Variants in KAZN observed in about 807,000 individuals in gnomAD.
The protein encoded by KAZN is kazrin, periplakin interacting protein.
A neutral mutation model predicts 87.4 loss-of-function variants in KAZN; 40 were observed. That is an observed-to-expected ratio of 0.46 (90% confidence interval 0.36 to 0.60). The LOEUF (loss-of-function observed/expected upper bound fraction) is 0.60. Ranked by LOEUF, KAZN falls within the 20% of genes least tolerant of loss-of-function variation. The probability of loss-of-function intolerance (pLI) is 0.00; values close to 1 mark genes in which losing one functional copy is unlikely to be tolerated. For missense variants in KAZN, 898 were observed against 1,073.9 expected (o/e 0.84, Z 2.29); for synonymous variants, 466 against 458.3 (o/e 1.02, Z -0.22).
chr1:14,220,415 G>T (rs1647069509), intron 2 of KAZN, among the ~76,000 whole-genome samples: 1 of 152,104 alleles, frequency 6.6e-6, no homozygotes, highest in African/African-American at 2.4e-5. Context: ...CTACCCTGTG[G>T]ATGTGTTTGT....
intron 1 of KAZN, among the ~76,000 whole-genome samples, chr1:14,763,246 C>T (rs1002869150): frequency 3.3e-5 from 5 of 152,222 alleles, no homozygotes; most frequent in Non-Finnish European, 7.3e-5. Context: ...TCGTACCATA[C>T]AGCAACTAGT....
chr1:14,902,208 C>T (rs913056404), intron 1 of KAZN, among the ~76,000 whole-genome samples: 2 of 151,580 alleles, frequency 1.3e-5, no homozygotes, highest in Non-Finnish European at 2.9e-5. Context: ...CTAGAAAATC[C>T]GAAGTTCTGA....
intron 1 of KAZN, among the ~76,000 whole-genome samples, chr1:14,052,760 A>C (rs1330577614): frequency 3.3e-5 from 5 of 152,212 alleles, no homozygotes. Flanking sequence ...TCTCTGAAGA[A>C]GTGACATTCG....
chr1:14,979,416 A>G (rs1666007690), intron 2 of KAZN, among the ~76,000 whole-genome samples: 1 of 151,952 alleles, frequency 6.6e-6, no homozygotes, highest in Admixed American at 6.6e-5. Flanking sequence ...CTCAAAAAAA[A>G]TAAATAAATA....
intron 1 of KAZN, among the ~76,000 whole-genome samples, chr1:14,915,119 G>A (rs570751670): frequency 2.0e-5 from 3 of 152,274 alleles, no homozygotes; most frequent in East Asian, 1.9e-4. Context: ...CCTGGGAGGC[G>A]GAGGTTGCGG....
At position 14,651,196 on chromosome 1, in the gene KAZN, C is replaced by G. The variant is rs72647642; in HGVS notation, c.226+51973C>G. Among the ~76,000 whole-genome samples, 1,337 of 152,298 alleles carry G rather than the reference C, an allele frequency of 8.8e-3. 12 individuals are homozygous for G. Among genetic ancestry groups the G allele is most frequent in the Non-Finnish European group, 0.015 (1,013 of 68,032 alleles). Reference sequence around the variant, plus strand: ...AACTTGCCATGCTTGGCTCTGTGAGCCTTTGAGAGAAAGAAGCCATTGTTG... The same window carrying G: ...AACTTGCCATGCTTGGCTCTGTGAGGCTTTGAGAGAAAGAAGCCATTGTTG... On this transcript the variant is annotated intron_variant, in intron 1 of 14. Transcript: ENST00000376030.
intron 1 of KAZN, among the ~76,000 whole-genome samples, chr1:14,729,608 C>A (rs756311147): frequency 2.0e-5 from 3 of 152,134 alleles, no homozygotes; most frequent in Non-Finnish European, 4.4e-5. Flanking sequence ...CTCGAGATTC[C>A]ACTGGGGAAG....
intron 2 of KAZN, among the ~76,000 whole-genome samples, chr1:14,351,666 G>C (rs1658560538): frequency 6.6e-6 from 1 of 152,198 alleles, no homozygotes; most frequent in Non-Finnish European, 1.5e-5. Context: ...GACGCTGCAG[G>C]CTAGTCCCTC....
intron 2 of KAZN, among the ~76,000 whole-genome samples, chr1:14,513,582 T>C (rs528366294): frequency 1.3e-5 from 2 of 152,282 alleles, no homozygotes; most frequent in East Asian, 1.9e-4. Context: ...ATTCATGAAA[T>C]AGAAGAATTG....
chr1:14,121,610 T>C (rs1371707056), intron 1 of KAZN, among the ~76,000 whole-genome samples: 2 of 152,202 alleles, frequency 1.3e-5, no homozygotes, highest in Non-Finnish European at 2.9e-5. Flanking sequence ...CATTATGGAA[T>C]ACATCCATGA....
chr1:14,898,806 A>AG (rs1655543957), intron 1 of KAZN, among the ~76,000 whole-genome samples: 1 of 152,180 alleles, frequency 6.6e-6, no homozygotes, highest in South Asian at 2.1e-4. Context: ...CTCAGTGCAT[A>AG]GCTCCTAGCA....
intron 2 of KAZN, among the ~76,000 whole-genome samples, chr1:14,394,052 C>CT (rs1458995873): frequency 1.3e-5 from 2 of 152,120 alleles, no homozygotes; most frequent in Non-Finnish European, 2.9e-5. Context: ...CTGCTTCAGG[C>CT]TTTTTGATGT....
chr1:14,838,468 C>G (rs1252103895), intron 1 of KAZN, among the ~76,000 whole-genome samples: 1 of 152,158 alleles, frequency 6.6e-6, no homozygotes, highest in African/African-American at 2.4e-5. Context: ...AAAGAGCCCC[C>G]CACCTGGTCA....
At chr1:14,387,130 T>A (rs1342961027) in intron 2 of KAZN, among the ~76,000 whole-genome samples, 1 of 152,210 alleles carries the variant, frequency 6.6e-6, no homozygotes, top group Non-Finnish European at 1.5e-5. Context: ...CTGCATTCTT[T>A]ATGTAGTTCT....
At chr1:14,196,517 G>A (rs1646529590) in intron 2 of KAZN, among the ~76,000 whole-genome samples, 1 of 152,108 alleles carries the variant, frequency 6.6e-6, no homozygotes, top group Non-Finnish European at 1.5e-5. Flanking sequence ...GAGAGAAAGA[G>A]AGGAGTCAAG....
At chr1:14,382,270 C>T (rs1661428799) in intron 2 of KAZN, among the ~76,000 whole-genome samples, 1 of 152,144 alleles carries the variant, frequency 6.6e-6, no homozygotes, top group African/African-American at 2.4e-5. Context: ...CAGTCCCTAT[C>T]AAAATAACAA....
At chr1:14,200,472 G>C (rs1463876442) in intron 2 of KAZN, among the ~76,000 whole-genome samples, 1 of 152,108 alleles carries the variant, frequency 6.6e-6, no homozygotes, top group African/African-American at 2.4e-5. Context: ...AGAAATACAT[G>C]TCTTACTTGC....
chr1:14,924,402 G>A (rs1465059830), intron 1 of KAZN: 1 of 988,726 alleles, frequency 1.0e-6, no homozygotes, highest in Middle Eastern at 5.2e-4. Flanking sequence ...GAGCGCGTCC[G>A]CCAGCTCGCG....
At chr1:14,104,117 C>G (rs575417591) in intron 1 of KAZN, among the ~76,000 whole-genome samples, 1 of 152,318 alleles carries the variant, frequency 6.6e-6, no homozygotes, top group South Asian at 2.1e-4. Flanking sequence ...TACACCCAGA[C>G]AGGGTATAAC....
Sources: allele counts gnomAD v4.1 joint callset (sites outside exome capture counted in the v4.1 genomes callset), GRCh38; gene constraint gnomAD v4.1.1; transcripts MANE v1.5; gene names NCBI Gene and HGNC (gene_info 2026-07-23, HGNC 2026-07-21).